Variants in CEP128 observed in about 807,000 individuals in gnomAD.
CEP128 encodes the protein centrosomal protein 128, also known as centrosomal protein 128kDa.
Under a neutral mutation model 156.7 loss-of-function variants are expected in CEP128, and 132 were observed. That is an observed-to-expected ratio of 0.84 (90% CI 0.73 to 0.97). The LOEUF (loss-of-function observed/expected upper bound fraction) is 0.97, where lower values mean the gene tolerates loss of function less well. CEP128 is among the 50% of genes least tolerant of loss of function. The probability of loss-of-function intolerance (pLI) is 0.00; values close to 1 mark genes in which losing one functional copy is unlikely to be tolerated. For synonymous variants in CEP128, 469 were observed against 448.9 expected (o/e 1.04, Z -0.57); for missense variants, 1,252 against 1,281.9 (o/e 0.98, Z 0.36).
intron 8 of CEP128, among the ~76,000 whole-genome samples, chr14:80,872,385 A>G (rs775059566): frequency 6.6e-6 from 1 of 152,250 alleles, no homozygotes; most frequent in Non-Finnish European, 1.5e-5. Context: ...TATGATTCAC[A>G]AAAGATTAAC....
intron 19 of CEP128, among the ~76,000 whole-genome samples, chr14:80,595,494 G>T (rs1051488647): frequency 1.3e-5 from 2 of 151,948 alleles, no homozygotes; most frequent in African/African-American, 4.8e-5. Context: ...TAAACAGGAA[G>T]GGTAAAAAAT....
chr14:80,621,699 C>T (rs548533527), intron 19 of CEP128, among the ~76,000 whole-genome samples: 1 of 152,298 alleles, frequency 6.6e-6, no homozygotes, highest in African/African-American at 2.4e-5. Flanking sequence ...AGCTCCAAAT[C>T]AGCTATGATA....
intron 19 of CEP128, among the ~76,000 whole-genome samples, chr14:80,689,853 TAC>T (rs149250288): frequency 0.074 from 11,292 of 152,192 alleles, 581 homozygotes; most frequent in South Asian, 0.23. Flanking sequence ...TATATAATTA[TAC>T]AGTTAATAGA....
chr14:80,946,777 A>G (rs1468633515), intron 2 of CEP128, among the ~76,000 whole-genome samples: 1 of 152,228 alleles, frequency 6.6e-6, no homozygotes, highest in African/African-American at 2.4e-5. Context: ...TTATACAACT[A>G]TGAAACAACA....
chr14:80,712,225 TAA>T (rs1566871487), intron 19 of CEP128, among the ~76,000 whole-genome samples: 1 of 152,186 alleles, frequency 6.6e-6, no homozygotes, highest in African/African-American at 2.4e-5. Flanking sequence ...ATTCATTCTC[TAA>T]AGAGTTCTGT....
chr14:80,615,094 T>A (rs989296829), intron 19 of CEP128, among the ~76,000 whole-genome samples: 6 of 152,212 alleles, frequency 3.9e-5, no homozygotes, highest in African/African-American at 1.4e-4. Flanking sequence ...GTTTGGAGTA[T>A]GTTAATCATT....
At chr14:80,622,414 T>C (rs1351028517) in intron 19 of CEP128, among the ~76,000 whole-genome samples, 2 of 149,860 alleles carry the variant, frequency 1.3e-5, no homozygotes, top group African/African-American at 2.5e-5. Context: ...ACTTCATGTC[T>C]AAAACACCAA....
chr14:80,799,844 G>C (rs920808607), intron 13 of CEP128, among the ~76,000 whole-genome samples: 1 of 152,126 alleles, frequency 6.6e-6, no homozygotes, highest in Admixed American at 6.5e-5. Context: ...TGTTTATCAA[G>C]ACAATAAGTG....
chr14:80,510,215 A>G (rs546873781), intron 23 of CEP128, among the ~76,000 whole-genome samples: 3 of 152,120 alleles, frequency 2.0e-5, no homozygotes, highest in African/African-American at 4.8e-5. Flanking sequence ...TTTGGGTAGT[A>G]TGGACATTTT....
At chr14:80,663,501 T>C (rs1045132977) in intron 19 of CEP128, among the ~76,000 whole-genome samples, 1 of 152,176 alleles carries the variant, frequency 6.6e-6, no homozygotes, top group Non-Finnish European at 1.5e-5. Flanking sequence ...TGACCCTAGA[T>C]CTGATAATTT....
intron 19 of CEP128, among the ~76,000 whole-genome samples, chr14:80,699,955 T>C (rs1167618126): frequency 4.6e-5 from 7 of 152,086 alleles, no homozygotes; most frequent in Admixed American, 4.6e-4. Context: ...GCTAACAACC[T>C]CTACTACAGG....
At chr14:80,860,701 G>A (rs929242299) in intron 9 of CEP128, among the ~76,000 whole-genome samples, 2 of 151,734 alleles carry the variant, frequency 1.3e-5, no homozygotes, top group African/African-American at 2.4e-5. Context: ...CAACTTACAA[G>A]GGTATGTCTT....
At chr14:80,809,661 G>C (rs375441978) in intron 13 of CEP128, among the ~76,000 whole-genome samples, 1 of 152,016 alleles carries the variant, frequency 6.6e-6, no homozygotes, top group Non-Finnish European at 1.5e-5. Context: ...TCAGACTAAC[G>C]GTGAACTTCT....
intron 13 of CEP128, 61 bp downstream of exon 13, chr14:80,831,082 A>T: frequency 7.1e-7 from 1 of 1,418,020 alleles, no homozygotes; most frequent in Non-Finnish European, 1.0e-6. Flanking sequence ...AAATTTCATT[A>T]AGCAATTCCA....
intron 20 of CEP128, 91 bp downstream of exon 20, chr14:80,580,283 A>G (rs1891529136): frequency 1.3e-6 from 1 of 787,344 alleles, no homozygotes; most frequent in African/African-American, 1.7e-5. Flanking sequence ...CCTATTTGCT[A>G]TACCAGTGTG....
At chr14:80,499,538 T>C (rs1196334479) in intron 24 of CEP128, among the ~76,000 whole-genome samples, 2 of 152,246 alleles carry the variant, frequency 1.3e-5, no homozygotes, top group Admixed American at 6.5e-5. Context: ...AATTCCTTCC[T>C]TTTGGGCTTA....
chr14:80,853,404 T>G (rs1278913282), intron 9 of CEP128, among the ~76,000 whole-genome samples: 14 of 151,794 alleles, frequency 9.2e-5, no homozygotes, highest in Admixed American at 6.6e-5. Context: ...GTAAAGCTAT[T>G]AAGAAATTAT....
At chr14:80,677,431 C>G (rs573108228) in intron 19 of CEP128, among the ~76,000 whole-genome samples, 1 of 134,192 alleles carries the variant, frequency 7.5e-6, no homozygotes, top group South Asian at 2.4e-4. Flanking sequence ...ATCACTTGAA[C>G]AAAGTAGGTG....
At chr14:80,732,716 G>C (rs891639521) in intron 19 of CEP128, among the ~76,000 whole-genome samples, 10 of 152,084 alleles carry the variant, frequency 6.6e-5, no homozygotes, top group African/African-American at 2.4e-4. Context: ...GAAACAAATA[G>C]CTGGAGCCCA....
Sources: allele counts gnomAD v4.1 joint callset (sites outside exome capture counted in the v4.1 genomes callset), GRCh38; gene constraint gnomAD v4.1.1; transcripts MANE v1.5; gene names NCBI Gene and HGNC (gene_info 2026-07-23, HGNC 2026-07-21).